The following DAB1 variants were observed in gnomAD, a reference collection of about 807,000 sequenced individuals.
DAB1 encodes disabled homolog 1.
In DAB1, 15 loss-of-function variants were observed where a neutral mutation model predicts 64.6. The ratio of observed to expected loss-of-function variants is 0.23; its 90% CI spans 0.16 to 0.36. DAB1 has a LOEUF of 0.36. Among genes scored for constraint, DAB1 ranks in the 10% least tolerant of loss-of-function variants. The probability of loss-of-function intolerance (pLI) is 1.00; values close to 1 mark genes in which losing one functional copy is unlikely to be tolerated. For synonymous variants in DAB1, 235 were observed against 251.9 expected (o/e 0.93, Z 0.64); for missense variants, 596 against 706.7 (o/e 0.84, Z 1.78).
intron 7 of DAB1, among the ~76,000 whole-genome samples, chr1:57,602,408 G>A (rs960808179): frequency 4.6e-5 from 7 of 152,086 alleles, no homozygotes; most frequent in African/African-American, 1.7e-4. Context: ...CAGATCCTCT[G>A]GTATACGATG....
chr1:58,075,208 T>C (rs1021767513), intron 5 of DAB1, among the ~76,000 whole-genome samples: 1 of 152,220 alleles, frequency 6.6e-6, no homozygotes, highest in African/African-American at 2.4e-5. Flanking sequence ...ACTTTTTTAA[T>C]AGAAAGCATT....
chr1:57,088,115 G>A (rs1481600540), intron 4 of DAB1, among the ~76,000 whole-genome samples: 1 of 152,208 alleles, frequency 6.6e-6, no homozygotes, highest in Non-Finnish European at 1.5e-5. Context: ...TTGTTGCCCA[G>A]GCTGGAGTGC....
At chr1:57,437,665 C>T (rs192681296) in intron 7 of DAB1, among the ~76,000 whole-genome samples, 6 of 152,290 alleles carry the variant, frequency 3.9e-5, no homozygotes, top group Admixed American at 2.0e-4. Context: ...CCATTCAATA[C>T]ATACAGATAC....
At chr1:57,020,295 T>C (rs760180836) in intron 11 of DAB1, among the ~76,000 whole-genome samples, 1 of 152,212 alleles carries the variant, frequency 6.6e-6, no homozygotes, top group Non-Finnish European at 1.5e-5. Flanking sequence ...TGAAGAACCA[T>C]GTAGCAAACA....
chr1:58,304,120 C>T (rs986095873), intron 4 of DAB1, among the ~76,000 whole-genome samples: 1 of 152,008 alleles, frequency 6.6e-6, no homozygotes, highest in Admixed American at 6.6e-5. Flanking sequence ...CATATAAGGG[C>T]GAGAAAGACC....
At chr1:58,520,316 G>A (rs1646242671) in intron 2 of DAB1, among the ~76,000 whole-genome samples, 1 of 152,116 alleles carries the variant, frequency 6.6e-6, no homozygotes, top group Non-Finnish European at 1.5e-5. Context: ...ACACATATCT[G>A]ACAAAGAACT....
At chr1:58,185,431 A>G (rs1657022291) in intron 4 of DAB1, among the ~76,000 whole-genome samples, 1 of 152,196 alleles carries the variant, frequency 6.6e-6, no homozygotes. Flanking sequence ...AGTTGTGGTC[A>G]CTCAGAAGGA....
At chr1:57,358,118 T>G (rs1679270266) in intron 1 of DAB1, among the ~76,000 whole-genome samples, 1 of 152,054 alleles carries the variant, frequency 6.6e-6, no homozygotes, top group South Asian at 2.1e-4. Context: ...ACTTCTTCCT[T>G]TTTACTTTGA....
chr1:57,597,697 T>A (rs908964010), intron 7 of DAB1, among the ~76,000 whole-genome samples: 3 of 152,228 alleles, frequency 2.0e-5, no homozygotes, highest in African/African-American at 4.8e-5. Context: ...CATGATCTCA[T>A]TGGGTCCTCA....
intron 7 of DAB1, among the ~76,000 whole-genome samples, chr1:57,559,855 T>C (rs1645031198): frequency 1.3e-5 from 2 of 152,166 alleles, no homozygotes; most frequent in Admixed American, 1.3e-4. Flanking sequence ...TATCGCATCC[T>C]TGGAGGGATT....
At chr1:57,046,539 T>C (rs1243323172) in intron 9 of DAB1, among the ~76,000 whole-genome samples, 1 of 152,216 alleles carries the variant, frequency 6.6e-6, no homozygotes, top group East Asian at 1.9e-4. Flanking sequence ...TGAATTACTG[T>C]ACTAAGAGAG....
chr1:58,286,474 G>GA (rs1231455395), intron 4 of DAB1, among the ~76,000 whole-genome samples: 1 of 151,988 alleles, frequency 6.6e-6, no homozygotes, highest in Non-Finnish European at 1.5e-5. Context: ...AAATTTACAA[G>GA]AAAAAAACAA....
chr1:57,781,947 G>T (rs1161820720), intron 6 of DAB1, among the ~76,000 whole-genome samples: 1 of 152,074 alleles, frequency 6.6e-6, no homozygotes. Flanking sequence ...ATCCAGAAGG[G>T]CAAGCAACTA....
intron 3 of DAB1, among the ~76,000 whole-genome samples, chr1:58,454,633 GCCT>G (rs539728427): frequency 3.5e-4 from 53 of 152,214 alleles, no homozygotes; most frequent in African/African-American, 1.1e-3. Flanking sequence ...AGTAGCATCA[GCCT>G]CCTCCTGCTC....
chr1:57,768,096 G>C lies in DAB1; in HGVS notation n.551+115903C>G, dbSNP rs201259047. On this transcript the variant is annotated intron_variant and non_coding_transcript_variant, in intron 6 of 20. Coordinates refer to the DAB1 transcript ENST00000485760. ...GGAGGCTGAAGTAGGAGAATTGCTT[G>C]AACCTGGGATACCGAGGTTGCAGTG... Among the ~76,000 whole-genome samples the C allele has an allele frequency of 1.2e-4, 17 of 145,624 alleles. No individual in the cohort carries two copies. The East Asian group carries it at 3.4e-3, about 29-fold the overall frequency.
chr1:57,660,324 T>G (rs777901306), intron 6 of DAB1, among the ~76,000 whole-genome samples: 3 of 151,994 alleles, frequency 2.0e-5, no homozygotes, highest in East Asian at 3.9e-4. Flanking sequence ...ACAGCAAAAG[T>G]AGGTTTTCTA....
chr1:57,207,160 G>A lies in DAB1; in HGVS notation c.68-61731C>T, dbSNP rs551272804. Among the ~76,000 whole-genome samples the A allele has an allele frequency of 3.0e-4, 46 of 151,080 alleles. No homozygotes were observed. In the South Asian group the frequency reaches 7.3e-3, roughly 24 times the overall value. On this transcript the variant is annotated intron_variant, in intron 2 of 14. Coordinates refer to ENST00000371236, the MANE Select transcript of DAB1 (RefSeq NM_001365792.1). ...ATTTTTGTATTTTTAGTAGAGACAG[G>A]GTTTCACCATGTTGGTCAGGCTGGC...
intron 4 of DAB1, among the ~76,000 whole-genome samples, chr1:58,276,055 G>C (rs531911541): frequency 6.6e-6 from 1 of 152,282 alleles, no homozygotes; most frequent in South Asian, 2.1e-4. Context: ...AAATAAGCCA[G>C]TTACAAAAAG....
chr1:57,666,798 T>C (rs6670299), intron 6 of DAB1, among the ~76,000 whole-genome samples: 3,342 of 151,596 alleles, frequency 0.022, 115 homozygotes, highest in African/African-American at 0.077. Context: ...AACTTATCAT[T>C]CTCCTTCAGC....
Sources: allele counts gnomAD v4.1 joint callset (sites outside exome capture counted in the v4.1 genomes callset), GRCh38; gene constraint gnomAD v4.1.1; transcripts MANE v1.5; gene names NCBI Gene and HGNC (gene_info 2026-07-23, HGNC 2026-07-21).